The following PTPRD variants were observed in gnomAD, a reference collection of about 807,000 sequenced individuals.
PTPRD encodes receptor-type tyrosine-protein phosphatase delta.
A neutral mutation model predicts 214.5 loss-of-function variants in PTPRD; 34 were observed. The observed-to-expected ratio is 0.16, with a 90% CI of 0.12 to 0.21. The LOEUF is 0.21. Among genes scored for constraint, PTPRD ranks in the 10% least tolerant of loss-of-function variants. The pLI, the probability that PTPRD is intolerant of heterozygous loss-of-function variation, is 1.00. For missense variants in PTPRD, 2,545 were observed against 2,398.7 expected (o/e 1.06, Z -1.27); for synonymous variants, 1,128 against 845.7 (o/e 1.33, Z -5.79).
intron 11 of PTPRD, among the ~76,000 whole-genome samples, chr9:8,927,002 G>C (rs759408433): frequency 1.4e-4 from 21 of 152,180 alleles, no homozygotes; most frequent in Non-Finnish European, 2.6e-4. Context: ...ACAAAATCAT[G>C]TCATCCAATT....
At chr9:10,035,411 T>C (rs147414907) in intron 3 of PTPRD, among the ~76,000 whole-genome samples, 4,330 of 152,294 alleles carry the variant, frequency 0.028, 122 homozygotes, top group Admixed American at 0.089. Flanking sequence ...TAATTTCTTT[T>C]GCTGTGCAGA....
At chr9:9,756,141 C>G (rs747996095) in intron 6 of PTPRD, among the ~76,000 whole-genome samples, 4 of 152,128 alleles carry the variant, frequency 2.6e-5, no homozygotes, top group Admixed American at 2.6e-4. Flanking sequence ...GTTCTAATAT[C>G]GACCTCAAGC....
At chr9:8,820,727 C>CCACACA (rs141466292) in intron 11 of PTPRD, among the ~76,000 whole-genome samples, 2 of 150,688 alleles carry the variant, frequency 1.3e-5, no homozygotes, top group Non-Finnish European at 3.0e-5. Flanking sequence ...ATACTACACA[C>CCACACA]CACACACACA....
At chr9:8,640,096 A>G (rs1327244329) in intron 12 of PTPRD, among the ~76,000 whole-genome samples, 1 of 152,054 alleles carries the variant, frequency 6.6e-6, no homozygotes, top group Non-Finnish European at 1.5e-5. Context: ...ATGCCTGGGT[A>G]ATGTTTTTAT....
intron 11 of PTPRD, among the ~76,000 whole-genome samples, chr9:8,950,420 AG>A (rs2099095162): frequency 6.6e-6 from 1 of 152,062 alleles, no homozygotes; most frequent in Admixed American, 6.6e-5. Flanking sequence ...CCAGTTGAGA[AG>A]AAAGCTGTGG....
rs182053498 is a variant in PTPRD, at chr9:8,929,449, T to C, written c.-104+89248A>G. Among the ~76,000 whole-genome samples, 102 of 152,132 alleles carry C rather than the reference T, an allele frequency of 6.7e-4. No homozygotes were observed. The East Asian group carries it at 0.017, about 25-fold the overall frequency. Reference sequence around the variant, plus strand: ...TTTTCTGCATCTATGGAGATAATCATGTGGTTTTGGTCATTGGCTCTGTTT... The same window carrying C: ...TTTTCTGCATCTATGGAGATAATCACGTGGTTTTGGTCATTGGCTCTGTTT... On this transcript the variant is annotated intron_variant, in intron 11 of 45. Transcript: ENST00000381196.
chr9:8,468,229 A>T (rs2096582043), intron 31 of PTPRD, among the ~76,000 whole-genome samples: 1 of 152,016 alleles, frequency 6.6e-6, no homozygotes, highest in Non-Finnish European at 1.5e-5. Context: ...TCTCTGCAGG[A>T]TGCTTCCTGT....
intron 4 of PTPRD, among the ~76,000 whole-genome samples, chr9:9,981,064 A>G (rs1188937547): frequency 1.5e-5 from 1 of 65,064 alleles, no homozygotes; most frequent in Non-Finnish European, 4.2e-5. Context: ...GTTCTCCAAA[A>G]GTTGATGAAT....
intron 2 of PTPRD, among the ~76,000 whole-genome samples, chr9:10,606,758 T>C (rs1238803337): frequency 1.3e-5 from 2 of 151,866 alleles, no homozygotes; most frequent in Non-Finnish European, 2.9e-5. Flanking sequence ...AACACAATGC[T>C]TGCCTGGCTT....
At chr9:10,421,894 A>G (rs2098549179) in intron 2 of PTPRD, among the ~76,000 whole-genome samples, 1 of 151,902 alleles carries the variant, frequency 6.6e-6, no homozygotes, top group Admixed American at 6.6e-5. Context: ...ATTCATCCAG[A>G]AAACTCTGTG....
intron 14 of PTPRD, among the ~76,000 whole-genome samples, chr9:8,580,785 C>A (rs1417501197): frequency 6.6e-6 from 1 of 152,136 alleles, no homozygotes; most frequent in Non-Finnish European, 1.5e-5. Flanking sequence ...CACATACACA[C>A]ACACACGCTT....
chr9:10,500,539 G>C (rs2043344034), intron 2 of PTPRD, among the ~76,000 whole-genome samples: 1 of 151,804 alleles, frequency 6.6e-6, no homozygotes, highest in South Asian at 2.1e-4. Context: ...TTTATCCTTT[G>C]TTTTACAAAC....
At chr9:9,510,381 G>A (rs1011470291) in intron 8 of PTPRD, among the ~76,000 whole-genome samples, 2 of 151,212 alleles carry the variant, frequency 1.3e-5, no homozygotes, top group African/African-American at 4.9e-5. Flanking sequence ...AAACTTCCCA[G>A]CATATATTAG....
At chr9:8,906,086 T>C (rs2098705665) in intron 11 of PTPRD, among the ~76,000 whole-genome samples, 1 of 152,236 alleles carries the variant, frequency 6.6e-6, no homozygotes, top group Non-Finnish European at 1.5e-5. Flanking sequence ...ATTTCTTGAA[T>C]GCAATGAATG....
chr9:9,793,757 A>G (rs1045249892), intron 5 of PTPRD, among the ~76,000 whole-genome samples: 7 of 152,120 alleles, frequency 4.6e-5, no homozygotes, highest in Admixed American at 1.3e-4. Context: ...CCTTCTGTGT[A>G]GTTCCTACTT....
chr9:9,307,497 T>G (rs1957499882), intron 9 of PTPRD, among the ~76,000 whole-genome samples: 1 of 152,206 alleles, frequency 6.6e-6, no homozygotes, highest in Non-Finnish European at 1.5e-5. Context: ...AAGTCTTCTT[T>G]AGCTATCTCT....
chr9:9,924,585 C>T lies in PTPRD; in HGVS notation c.-368+13922G>A, dbSNP rs528870137. Among the ~76,000 whole-genome samples the T allele has an allele frequency of 4.8e-5, 6 of 125,866 alleles. No homozygotes were observed. The South Asian group carries it at 1.1e-3, about 23-fold the overall frequency. 82.6% of individuals were successfully genotyped at this position (125,866 alleles called of 152,430 possible). On this transcript the variant is annotated intron_variant, in intron 5 of 45. Transcript: ENST00000381196. ...AAACACTTTCCTTGCCTTTCCAGTA[C>T]GCTTTCACTTTCCTTTCCTTGTTTA... is the stretch of plus-strand genomic sequence containing the variant.
rs2097394665 is a variant in PTPRD, at chr9:8,501,074, G to C, written c.1823-15C>G. ...AGCTGACGGCTCTTATTTTGGTAGT[G>C]AGTTAAAGGAGGATTTAAGTGAAAG... On this transcript the variant is annotated splice_polypyrimidine_tract_variant and intron_variant, in intron 23 of 45. Coordinates refer to ENST00000381196, the MANE Select transcript of PTPRD (RefSeq NM_002839.4). 2 of 1,595,342 alleles carry C rather than the reference G, an allele frequency of 1.3e-6. No individual in the cohort carries two copies. The highest frequency in any genetic ancestry group is 1.7e-6 in the Non-Finnish European group (2 of 1,166,982).
chr9:10,535,129 T>C (rs764105005), intron 2 of PTPRD, among the ~76,000 whole-genome samples: 1 of 152,130 alleles, frequency 6.6e-6, no homozygotes, highest in South Asian at 2.1e-4. Context: ...AAGAAACATA[T>C]TGTGGCTTGT....
Sources: gnomAD v4.1 joint callset for allele counts (sites outside exome capture counted in the v4.1 genomes callset) on GRCh38, gnomAD v4.1.1 for gene constraint, MANE v1.5 for transcripts, NCBI Gene and HGNC (gene_info 2026-07-23, HGNC 2026-07-21) for gene names.